LYG1: variants seen among roughly 807,000 people sequenced by gnomAD.
The protein encoded by LYG1 is lysozyme g1.
A neutral mutation model predicts 21.7 loss-of-function variants in LYG1; 17 were observed. The ratio of observed to expected loss-of-function variants is 0.78; its 90% confidence interval spans 0.54 to 1.18. LYG1 has a LOEUF of 1.18. Among genes scored for constraint, LYG1 ranks in the 50% most tolerant of loss-of-function variants. LYG1 has a pLI of 0.00. For synonymous variants in LYG1, 81 were observed against 87.4 expected, an observed-to-expected ratio of 0.93 and a Z score of 0.41; for missense variants, 211 against 238.1, an observed-to-expected ratio of 0.89 and a Z score of 0.75.
chr2:99,285,565 G>A (rs1400945735), intron 5 of LYG1, among the ~76,000 whole-genome samples: 2 of 152,184 alleles, frequency 1.3e-5, no homozygotes, highest in Non-Finnish European at 1.5e-5. Context: ...GTATGTGCTA[G>A]CATGCACAAC....
intron 3 of LYG1, among the ~76,000 whole-genome samples, chr2:99,295,111 A>G (rs1481586903): frequency 1.3e-5 from 2 of 152,188 alleles, no homozygotes; most frequent in African/African-American, 4.8e-5. Flanking sequence ...CAAAAAAAAC[A>G]AAAACAAAAG....
chr2:99,302,098 C>CTG (rs2094156363), upstream of LYG1, among the ~76,000 whole-genome samples: 2 of 151,638 alleles, frequency 1.3e-5, no homozygotes, highest in East Asian at 3.9e-4. Context: ...CAGGATCTTT[C>CTG]CTTTTTATCT....
chr2:99,285,949 T>C (rs1414113640), intron 5 of LYG1, among the ~76,000 whole-genome samples: 1 of 152,222 alleles, frequency 6.6e-6, no homozygotes, highest in Non-Finnish European at 1.5e-5. Context: ...TGAAACTTAA[T>C]CCCCGATGTG....
At chr2:99,294,880 G>C (rs1261208593) in intron 3 of LYG1, among the ~76,000 whole-genome samples, 1 of 152,090 alleles carries the variant, frequency 6.6e-6, no homozygotes, top group Non-Finnish European at 1.5e-5. Flanking sequence ...TGGGAGGCCA[G>C]ATCACGAGGT....
intron 3 of LYG1, among the ~76,000 whole-genome samples, chr2:99,295,224 A>C (rs1435157204): frequency 6.6e-6 from 1 of 152,154 alleles, no homozygotes; most frequent in Non-Finnish European, 1.5e-5. Flanking sequence ...AGTCATGTGT[A>C]CTCGGTTGCC....
intron 5 of LYG1, among the ~76,000 whole-genome samples, chr2:99,290,779 A>G (rs148718771): frequency 6.6e-6 from 1 of 152,230 alleles, no homozygotes; most frequent in Non-Finnish European, 1.5e-5. Context: ...GTAAAGGAAA[A>G]TAAATTTAAC....
Position 99,291,324 on chromosome 2 carries a change from A to G in LYG1, c.246T>C (p.Asp82=), listed in dbSNP as rs2094117585. The G allele has an allele frequency of 1.2e-6, 2 of 1,613,384 alleles. No homozygotes were observed. Among genetic ancestry groups the G allele is most frequent in the Non-Finnish European group, 1.7e-6 (2 of 1,179,642 alleles). The change falls in exon 5 of 7, where the codon GAT becomes GAC. Residue 82 remains aspartate, a synonymous_variant. Coordinates refer to ENST00000308528, the MANE Select transcript of LYG1 (RefSeq NM_174898.3). The stretch of plus-strand genomic sequence containing the variant: ...ACAAGACACCAGCGATCACGGCAGG[A>G]TCCATGCAGTACTTTTGGCCAATGG... ...MQTIGQKYCM[D]PAVIAGVLSR...
At chr2:99,292,305 AAAAAT>A (rs1305785229) in intron 4 of LYG1, among the ~76,000 whole-genome samples, 1 of 152,144 alleles carries the variant, frequency 6.6e-6, no homozygotes, top group Non-Finnish European at 1.5e-5. Context: ...AATAAAAATA[AAAAAT>A]AAAAAGCACC....
chr2:99,287,666 A>G (rs951039836), intron 5 of LYG1, among the ~76,000 whole-genome samples: 21 of 151,972 alleles, frequency 1.4e-4, no homozygotes, highest in Admixed American at 1.3e-4. Context: ...AAGTTTCACT[A>G]TGATTTGTTT....
intron 3 of LYG1, 60 bp downstream of exon 3, chr2:99,295,568 G>T: frequency 2.5e-6 from 4 of 1,571,826 alleles, no homozygotes; most frequent in Non-Finnish European, 3.5e-6. Context: ...AAGTGCCATT[G>T]TGTTCCTGTG....
At chr2:99,303,954 G>C (rs1458050829), upstream of LYG1, among the ~76,000 whole-genome samples, 1 of 152,080 alleles carries the variant, frequency 6.6e-6, no homozygotes. Context: ...GGCGGATCAC[G>C]AGCTCAAGAG....
upstream of LYG1, among the ~76,000 whole-genome samples, chr2:99,303,654 C>T (rs991181453): frequency 2.6e-5 from 4 of 152,148 alleles, no homozygotes; most frequent in East Asian, 5.8e-4. Flanking sequence ...CAGAGTGACT[C>T]GGGAGACTTC....
At chr2:99,299,284 CTTTTTTTTTTTTT>C (rs759326268) in intron 1 of LYG1, among the ~76,000 whole-genome samples, 5 of 124,650 alleles carry the variant, frequency 4.0e-5, no homozygotes, top group African/African-American at 1.2e-4. Flanking sequence ...TTCTTTTTTT[CTTTTTTTTTTTTT>C]TTTAATCGAG....
intron 2 of LYG1, among the ~76,000 whole-genome samples, chr2:99,296,139 C>G (rs1442238538): frequency 1.3e-5 from 2 of 152,124 alleles, no homozygotes; most frequent in Non-Finnish European, 2.9e-5. Context: ...TAGGTCCCTT[C>G]TTCTTCAGGT....
chr2:99,285,346 A>G (rs1044015816), intron 5 of LYG1, among the ~76,000 whole-genome samples: 3 of 152,006 alleles, frequency 2.0e-5, no homozygotes, highest in African/African-American at 7.3e-5. Context: ...GCACCACTGC[A>G]TTCCATCCTG....
At chr2:99,289,911 T>C (rs2094113599) in intron 5 of LYG1, among the ~76,000 whole-genome samples, 1 of 151,748 alleles carries the variant, frequency 6.6e-6, no homozygotes, top group South Asian at 2.1e-4. Flanking sequence ...CAGGCTGGAG[T>C]GTAGTGGCAT....
In LYG1 at chr2:99,293,779, A is replaced by AT. The variant is rs534302900; in HGVS notation, c.44-1140dup. ...AGGTGGGTACACAAGTATTTATAAT[A>AT]TATCTACAATTCACACCAGAATGGG... On this transcript the variant is annotated intron_variant, in intron 3 of 6. Transcript: ENST00000308528. Among the ~76,000 whole-genome samples the AT allele has an allele frequency of 1.1e-3, 166 of 152,296 alleles. 1 individual carries two copies. Among genetic ancestry groups the AT allele is most frequent in the African/African-American group, 3.5e-3 (145 of 41,570 alleles).
upstream of LYG1, among the ~76,000 whole-genome samples, chr2:99,303,305 T>C (rs1200897948): frequency 6.6e-6 from 1 of 152,128 alleles, no homozygotes; most frequent in African/African-American, 2.4e-5. Flanking sequence ...TTAAAAGGTA[T>C]TACAGTGTGG....
At chr2:99,291,443 T>C (rs961699442) in intron 4 of LYG1, 22 bp from the exon 5 acceptor site, 40 of 1,611,938 alleles carry the variant, frequency 2.5e-5, no homozygotes, top group Non-Finnish European at 3.3e-5. Context: ...GCAAAAGGAA[T>C]GATGCAGCTT....
Sources: allele counts gnomAD v4.1 joint callset (sites outside exome capture counted in the v4.1 genomes callset), GRCh38; gene constraint gnomAD v4.1.1; transcripts MANE v1.5; gene names NCBI Gene and HGNC (gene_info 2026-07-23, HGNC 2026-07-21).